SLC25A13: variants seen among roughly 807,000 people sequenced by gnomAD.
The protein encoded by SLC25A13 is solute carrier family 25 member 13, also known as electrogenic aspartate/glutamate antiporter SLC25A13, mitochondrial.
In SLC25A13, 70 loss-of-function variants were observed where a neutral mutation model predicts 85.5. That is an observed-to-expected ratio of 0.82 (90% CI 0.68 to 1.00). SLC25A13 has a LOEUF of 1.00. SLC25A13 is among the 50% of genes least tolerant of loss of function. The pLI is 0.00. For synonymous variants in SLC25A13, 259 were observed against 288.7 expected (o/e 0.90, Z 1.04); for missense variants, 765 against 819.8 (o/e 0.93, Z 0.82).
intron 1 of SLC25A13, among the ~76,000 whole-genome samples, chr7:96,309,839 C>T (rs1405891351): frequency 6.6e-6 from 1 of 152,190 alleles, no homozygotes; most frequent in African/African-American, 2.4e-5. Context: ...GTTGAAGTTC[C>T]AATCCCAGCC....
intron 2 of SLC25A13, among the ~76,000 whole-genome samples, chr7:96,293,241 A>T (rs749099044): frequency 2.0e-5 from 3 of 152,224 alleles, no homozygotes; most frequent in Non-Finnish European, 2.9e-5. Flanking sequence ...GAAAGTTGAA[A>T]CTGGATCCCT....
intron 3 of SLC25A13, among the ~76,000 whole-genome samples, chr7:96,235,511 A>G (rs1487001300): frequency 6.6e-6 from 1 of 152,252 alleles, no homozygotes; most frequent in Non-Finnish European, 1.5e-5. Flanking sequence ...TCATAACACA[A>G]GAACTAGTAT....
At chr7:96,210,834 A>G (rs1220244753) in intron 4 of SLC25A13, among the ~76,000 whole-genome samples, 1 of 152,186 alleles carries the variant, frequency 6.6e-6, no homozygotes, top group African/African-American at 2.4e-5. Flanking sequence ...GAGAAATAAT[A>G]TGCAAGAAAA....
At chr7:96,241,703 G>A (rs1322453045) in intron 3 of SLC25A13, among the ~76,000 whole-genome samples, 1 of 151,702 alleles carries the variant, frequency 6.6e-6, no homozygotes, top group Non-Finnish European at 1.5e-5. Context: ...TATACATACT[G>A]CACTGTTCTT....
chr7:96,200,334 T>C (rs1469864250), intron 5 of SLC25A13, among the ~76,000 whole-genome samples: 1 of 152,052 alleles, frequency 6.6e-6, no homozygotes, highest in African/African-American at 2.4e-5. Context: ...CCCAAACAAT[T>C]TCTATATTAC....
At chr7:96,230,616 T>G (rs957603853) in intron 4 of SLC25A13, among the ~76,000 whole-genome samples, 2 of 152,196 alleles carry the variant, frequency 1.3e-5, no homozygotes, top group African/African-American at 4.8e-5. Flanking sequence ...CCTGTTGATA[T>G]CTCAAGATAC....
intron 4 of SLC25A13, among the ~76,000 whole-genome samples, chr7:96,225,165 G>A (rs1796285646): frequency 6.6e-6 from 1 of 152,190 alleles, no homozygotes; most frequent in African/African-American, 2.4e-5. Flanking sequence ...AACAAGACCA[G>A]TAGCTACCAC....
chr7:96,175,925 T>C (rs1163125625), intron 11 of SLC25A13, among the ~76,000 whole-genome samples: 1 of 152,170 alleles, frequency 6.6e-6, no homozygotes, highest in African/African-American at 2.4e-5. Context: ...CTCACGGAAG[T>C]TGTTGATAAG....
At chr7:96,255,957 T>C (rs1030408932) in intron 3 of SLC25A13, among the ~76,000 whole-genome samples, 4 of 152,258 alleles carry the variant, frequency 2.6e-5, no homozygotes, top group African/African-American at 9.6e-5. Context: ...AACCCAGAAT[T>C]TCATATCCAG....
At chr7:96,277,882 A>G (rs979530782) in intron 2 of SLC25A13, among the ~76,000 whole-genome samples, 1 of 152,042 alleles carries the variant, frequency 6.6e-6, no homozygotes, top group Non-Finnish European at 1.5e-5. Flanking sequence ...AAGAGCATCA[A>G]TGATACAAGA....
intron 11 of SLC25A13, among the ~76,000 whole-genome samples, chr7:96,177,462 C>T (rs555917923): frequency 6.6e-6 from 1 of 152,302 alleles, no homozygotes; most frequent in South Asian, 2.1e-4. Flanking sequence ...ATTAGGAACA[C>T]GAGGTCTGGA....
At chr7:96,189,263 C>G in intron 9 of SLC25A13, 31 bp downstream of exon 9, 3 of 1,604,204 alleles carry the variant, frequency 1.9e-6, no homozygotes, top group Non-Finnish European at 2.6e-6. Context: ...TAAGGAAACC[C>G]CAGAATGCAA....
At chr7:96,147,482 T>G (rs1223082064) in intron 13 of SLC25A13, among the ~76,000 whole-genome samples, 1 of 152,206 alleles carries the variant, frequency 6.6e-6, no homozygotes. Flanking sequence ...ATCTTTAAAG[T>G]ACACTATAAG....
chr7:96,257,648 T>C (rs1207472635), intron 3 of SLC25A13, among the ~76,000 whole-genome samples: 1 of 152,178 alleles, frequency 6.6e-6, no homozygotes, highest in Non-Finnish European at 1.5e-5. Context: ...AAAGAGGAGC[T>C]GGTACCATTC....
intron 3 of SLC25A13, among the ~76,000 whole-genome samples, chr7:96,260,118 G>T (rs1797795408): frequency 6.6e-6 from 1 of 151,934 alleles, no homozygotes; most frequent in Non-Finnish European, 1.5e-5. Context: ...CTGGGTTGAT[G>T]GGTGCAGCAA....
chr7:96,277,430 C>A, intron 2 of SLC25A13, 92 bp from the exon 3 acceptor site: 1 of 1,195,208 alleles, frequency 8.4e-7, no homozygotes, highest in Non-Finnish European at 1.2e-6. Context: ...TGAAAATATC[C>A]AAACGATAAA....
At position 96,121,824 on chromosome 7, in the gene SLC25A13, A is replaced by T; in HGVS notation, c.1750+15T>A. ...TGATACCAAAGAGTTAGTTAAGAAC[A>T]CATTATTTCCATACCACCAGCTCCC... On this transcript the variant is annotated intron_variant, in intron 16 of 17. Transcript: ENST00000265631. The T allele has an allele frequency of 1.9e-6, 3 of 1,614,220 alleles. No homozygotes were observed. Among genetic ancestry groups the T allele is most frequent in the Non-Finnish European group, 2.5e-6 (3 of 1,180,030 alleles).
intron 3 of SLC25A13, among the ~76,000 whole-genome samples, chr7:96,257,008 T>C (rs1022829971): frequency 6.6e-6 from 1 of 152,134 alleles, no homozygotes; most frequent in East Asian, 1.9e-4. Context: ...ATAAGTTCTT[T>C]GAAACAAATG....
In SLC25A13 at chr7:96,293,882, A is replaced by G. The variant is rs1290138550; in HGVS notation, c.69+3016T>C. Among the ~76,000 whole-genome samples the G allele has an allele frequency of 3.3e-5, 5 of 152,314 alleles. No individual in the cohort carries two copies. In the South Asian group the frequency reaches 1.0e-3, roughly 32 times the overall value. On this transcript the variant is annotated intron_variant, in intron 2 of 17. Coordinates refer to ENST00000265631, the MANE Select transcript of SLC25A13 (RefSeq NM_014251.3). ...TGGAAGACAGTGTGGCAATTCCTCA[A>G]GGATCTAGAACTAGAAATACCATTT...
Sources: gnomAD v4.1 joint callset for allele counts (sites outside exome capture counted in the v4.1 genomes callset) on GRCh38, gnomAD v4.1.1 for gene constraint, MANE v1.5 for transcripts, NCBI Gene and HGNC (gene_info 2026-07-23, HGNC 2026-07-21) for gene names.